The following ASH1L variants were observed in gnomAD, a reference collection of about 807,000 sequenced individuals.
ASH1L encodes ASH1 like histone lysine methyltransferase.
In ASH1L, 23 loss-of-function variants were observed where a neutral mutation model predicts 269.0. That is an observed-to-expected ratio of 0.09 (90% confidence interval 0.06 to 0.12). The LOEUF is 0.12. Ranked by LOEUF, ASH1L falls within the 10% of genes least tolerant of loss-of-function variation. The probability of loss-of-function intolerance (pLI) is 1.00; values close to 1 mark genes in which losing one functional copy is unlikely to be tolerated. For synonymous variants in ASH1L, 1,187 were observed against 1,253.5 expected (o/e 0.95, Z 1.12); for missense variants, 2,912 against 3,567.8 (o/e 0.82, Z 4.68).
At chr1:155,551,477 G>A (rs897344825) in intron 1 of ASH1L, among the ~76,000 whole-genome samples, 2 of 151,034 alleles carry the variant, frequency 1.3e-5, no homozygotes, top group Non-Finnish European at 2.9e-5. Flanking sequence ...CGGCTAAAAC[G>A]GTGAAACCCC....
intron 4 of ASH1L, among the ~76,000 whole-genome samples, chr1:155,441,718 G>A (rs1292072335): frequency 5.3e-5 from 8 of 150,564 alleles, no homozygotes; most frequent in African/African-American, 1.5e-4. Flanking sequence ...TGCCCGCCTC[G>A]GCCTCCCAAA....
chr1:155,495,253 G>A (rs1667069613), intron 2 of ASH1L, among the ~76,000 whole-genome samples: 1 of 152,158 alleles, frequency 6.6e-6, no homozygotes, highest in South Asian at 2.1e-4. Context: ...TAACAATGGG[G>A]ATAAATTCTA....
At chr1:155,483,487 G>A (rs954938394) in intron 2 of ASH1L, among the ~76,000 whole-genome samples, 2 of 151,972 alleles carry the variant, frequency 1.3e-5, no homozygotes, top group Admixed American at 1.3e-4. Context: ...CAAATGAAAA[G>A]ACAAACAAAC....
intron 15 of ASH1L, among the ~76,000 whole-genome samples, chr1:155,355,209 C>T (rs1455847979): frequency 6.6e-6 from 1 of 152,202 alleles, no homozygotes; most frequent in Non-Finnish European, 1.5e-5. Context: ...TGCCACCACG[C>T]CCAGCTAATT....
chr1:155,388,432 AG>A (rs1363081980), intron 7 of ASH1L, among the ~76,000 whole-genome samples: 1 of 151,914 alleles, frequency 6.6e-6, no homozygotes, highest in East Asian at 1.9e-4. Flanking sequence ...GCTGGACCAC[AG>A]GTGCATGTCA....
chr1:155,481,840 T>C lies in ASH1L; in HGVS notation c.1030A>G (p.Ile344Val), dbSNP rs1342280920. Reference protein sequence around the residue: ...LSKDSGKKLGIGIVPGLVHKE... With the variant: ...LSKDSGKKLGVGIVPGLVHKE... ...TGCACTAAACCTGGAACAATACCAA[T>C]TCCTAGCTTCTTTCCTGAATCTTTG... The change falls in exon 3 of 28, where the codon ATT becomes GTT. Residue 344 changes from isoleucine to valine, a missense_variant. Transcript: ENST00000392403. 3 of 1,614,086 alleles carry C rather than the reference T, an allele frequency of 1.9e-6. No homozygotes were observed. Among genetic ancestry groups the C allele is most frequent in the Non-Finnish European group, 2.5e-6 (3 of 1,180,024 alleles).
Position 155,343,152 on chromosome 1 carries a change from A to G in ASH1L, c.8293+162T>C, listed in dbSNP as rs1270407760. 2.9e-6 allele frequency: 2 copies of G among 680,516 alleles called. No individual in the cohort carries two copies. Among genetic ancestry groups the G allele is most frequent in the African/African-American group, 1.8e-5 (1 of 55,314 alleles). 42.2% of individuals were successfully genotyped at this position (680,516 alleles called of 1,614,324 possible). ...GTTGGGACTACAGGCCTACACTGCCATGCCCAGCTACAGAGGCAGAGTTTT... is the reference window on the plus strand; with the variant it reads ...GTTGGGACTACAGGCCTACACTGCCGTGCCCAGCTACAGAGGCAGAGTTTT... On this transcript the variant is annotated intron_variant, in intron 24 of 27. Transcript: ENST00000392403. This position sits in a 1 kb window ranked among gnomAD's most constrained non-coding sequence, Gnocchi z 6.1.
In ASH1L at chr1:155,378,383, T is replaced by A. The variant is rs759878582; in HGVS notation, c.6230A>T (p.Tyr2077Phe). The A allele has an allele frequency of 2.5e-6, 4 of 1,613,952 alleles. No individual in the cohort carries two copies. In the East Asian group the frequency reaches 8.9e-5, roughly 36 times the overall value. Residue 2077 changes from tyrosine (Y) to phenylalanine (F), a missense_variant, in exon 10 of 28, where the codon TAC (tyrosine) becomes TTC (phenylalanine). Physicochemically the swap from Tyr to Phe is conservative, Grantham distance 22 (BLOSUM62 3). Coordinates refer to ENST00000392403, the MANE Select transcript of ASH1L (RefSeq NM_018489.3). The stretch of plus-strand genomic sequence containing the variant: ...ACCAGAAAGGGGTTTGACATCAACG[T>A]AGACATCTTGAAAAGAAAGCAAAGA... ...PLYKKIRSNV[Y>F]VDVKPLSGYE...
At chr1:155,560,570 G>A (rs905335630) in intron 1 of ASH1L, among the ~76,000 whole-genome samples, 2 of 152,056 alleles carry the variant, frequency 1.3e-5, no homozygotes, top group African/African-American at 4.8e-5. Flanking sequence ...ACCCACCACT[G>A]TCAAAACAAC....
chr1:155,512,118 G>A (rs1668200156), intron 2 of ASH1L, among the ~76,000 whole-genome samples: 1 of 152,088 alleles, frequency 6.6e-6, no homozygotes, highest in African/African-American at 2.4e-5. Flanking sequence ...AGCCAAGATT[G>A]TTTCTTATTC....
At chr1:155,555,141 CAA>C (rs546459143) in intron 1 of ASH1L, among the ~76,000 whole-genome samples, 15 of 94,082 alleles carry the variant, frequency 1.6e-4, no homozygotes, top group Admixed American at 3.8e-4. Flanking sequence ...GAAACCGTCT[CAA>C]AAAAAAAAAA....
chr1:155,442,617 A>C (rs1362371874), intron 4 of ASH1L, among the ~76,000 whole-genome samples: 3 of 151,156 alleles, frequency 2.0e-5, no homozygotes, highest in Admixed American at 6.6e-5. Flanking sequence ...AAAAAAAAAA[A>C]CCTCACAAAT....
chr1:155,391,177 C>T (rs1057459214), intron 7 of ASH1L, among the ~76,000 whole-genome samples: 4 of 152,042 alleles, frequency 2.6e-5, no homozygotes, highest in Non-Finnish European at 5.9e-5. Flanking sequence ...AACTCCTGAC[C>T]TCAGGTGATC....
At chr1:155,341,849 G>A in intron 25 of ASH1L, 87 bp downstream of exon 25, 3 of 1,386,778 alleles carry the variant, frequency 2.2e-6, no homozygotes, top group Non-Finnish European at 3.0e-6. Flanking sequence ...AAGAAGCAGA[G>A]AACTACGTGA....
intron 10 of ASH1L, among the ~76,000 whole-genome samples, chr1:155,372,117 C>T (rs923999401): frequency 4.6e-5 from 7 of 151,350 alleles, no homozygotes; most frequent in Non-Finnish European, 1.0e-4. Context: ...AATTCTACTG[C>T]CTTATCTGGG....
In ASH1L at chr1:155,357,132, TTAA is replaced by T. The variant is rs1172822185; in HGVS notation, c.7055+181_7055+183del. Among the ~76,000 whole-genome samples, 30 of 6,648 alleles carry T rather than the reference TTAA, an allele frequency of 4.5e-3. 2 individuals are homozygous for T. Among genetic ancestry groups the T allele is most frequent in the Non-Finnish European group, 6.0e-3 (12 of 1,992 alleles). 4.4% of individuals were successfully genotyped at this position (6,648 alleles called of 152,430 possible). A position where few individuals can be genotyped will look rare whatever the true frequency, so the allele number is the denominator to read the frequency against. ...ACACACACACACAAAAGGGTAAGAC[TTAA>T]AAAAAAAAAAAAAAAAAAAAAAAAG... On this transcript the variant is annotated intron_variant, in intron 15 of 27. Transcript: ENST00000392403.
At chr1:155,369,147 G>A (rs1368585900) in intron 12 of ASH1L, among the ~76,000 whole-genome samples, 1 of 152,112 alleles carries the variant, frequency 6.6e-6, no homozygotes, top group African/African-American at 2.4e-5. Flanking sequence ...GTACACTTAA[G>A]ATCTATGTAT....
At chr1:155,404,524 A>C (rs1209066168) in intron 6 of ASH1L, among the ~76,000 whole-genome samples, 1 of 152,158 alleles carries the variant, frequency 6.6e-6, no homozygotes, top group Non-Finnish European at 1.5e-5. Context: ...AAAAAATAAA[A>C]AAATTAGCTA....
chr1:155,396,864 A>AGG lies in ASH1L; in HGVS notation c.6009-1313_6009-1312dup, dbSNP rs1658391395. ...GTAATCCCAGCTACTTGGGAGGCTG[A>AGG]GGCAGGAGAATTGCTTGAACCCAGG... On this transcript the variant is annotated intron_variant, in intron 6 of 27. Coordinates refer to ENST00000392403, the MANE Select transcript of ASH1L (RefSeq NM_018489.3). 3.3e-5 allele frequency: 5 copies of AGG among 150,890 alleles called. No individual in the cohort carries two copies. The Admixed American group carries it at 3.3e-4, about 10-fold the overall frequency. 9.3% of individuals were successfully genotyped at this position (150,890 alleles called of 1,614,324 possible).
Sources: allele counts gnomAD v4.1 joint callset (sites outside exome capture counted in the v4.1 genomes callset), GRCh38; gene constraint gnomAD v4.1.1; non-coding constraint Gnocchi (gnomAD v3.1); transcripts MANE v1.5; gene names NCBI Gene and HGNC (gene_info 2026-07-23, HGNC 2026-07-21).